Variants in CADM2 observed in about 807,000 individuals in gnomAD.
The protein encoded by CADM2 is immunoglobulin superfamily member 4D.
In CADM2, 12 loss-of-function variants were observed where a neutral mutation model predicts 49.8. The observed-to-expected ratio is 0.24, with a 90% CI of 0.15 to 0.39. CADM2 has a LOEUF of 0.39. CADM2 is among the 10% of genes least tolerant of loss of function. The probability of loss-of-function intolerance (pLI) is 1.00; values close to 1 mark genes in which losing one functional copy is unlikely to be tolerated. For synonymous variants in CADM2, 214 were observed against 175.4 expected (o/e 1.22, Z -1.74); for missense variants, 378 against 492.3 (o/e 0.77, Z 2.20).
At chr3:85,573,711 A>G (rs1430131628) in intron 1 of CADM2, among the ~76,000 whole-genome samples, 4 of 152,216 alleles carry the variant, frequency 2.6e-5, no homozygotes, top group East Asian at 1.9e-4. Context: ...TCAGGTATCT[A>G]TGATCAAATT....
intron 1 of CADM2, among the ~76,000 whole-genome samples, chr3:85,444,822 TTTAA>T (rs1204983681): frequency 4.6e-5 from 7 of 152,298 alleles, no homozygotes; most frequent in African/African-American, 1.2e-4. Context: ...CTTTTATTTG[TTTAA>T]TTAATTAATA....
At chr3:85,192,624 T>C (rs1324359101) in intron 1 of CADM2, among the ~76,000 whole-genome samples, 1 of 150,376 alleles carries the variant, frequency 6.6e-6, no homozygotes, top group African/African-American at 2.4e-5. Context: ...ATATAAAGTT[T>C]AAAAATAGTA....
At chr3:85,322,186 A>C (rs746804860) in intron 1 of CADM2, among the ~76,000 whole-genome samples, 22 of 152,218 alleles carry the variant, frequency 1.4e-4, no homozygotes, top group Non-Finnish European at 2.9e-4. Flanking sequence ...TATAACCTCG[A>C]AAATAGTAGA....
chr3:85,985,161 G>T (rs1344847937), intron 8 of CADM2, among the ~76,000 whole-genome samples: 2 of 151,848 alleles, frequency 1.3e-5, no homozygotes, highest in Admixed American at 6.6e-5. Context: ...AGTTCTGGAG[G>T]CTGGGAAAGC....
intron 1 of CADM2, among the ~76,000 whole-genome samples, chr3:85,384,433 T>C (rs1460107332): frequency 2.0e-5 from 3 of 152,108 alleles, no homozygotes; most frequent in Non-Finnish European, 1.5e-5. Context: ...CGCTTCAGCC[T>C]TCTAAGTAGC....
intron 1 of CADM2, among the ~76,000 whole-genome samples, chr3:85,213,494 C>T (rs1300192578): frequency 6.6e-6 from 1 of 151,998 alleles, no homozygotes; most frequent in African/African-American, 2.4e-5. Context: ...TTTTAGAATC[C>T]TTTCTTCATC....
intron 1 of CADM2, among the ~76,000 whole-genome samples, chr3:84,982,246 G>A (rs2032224026): frequency 6.6e-6 from 1 of 152,076 alleles, no homozygotes; most frequent in Non-Finnish European, 1.5e-5. Flanking sequence ...ATATAGTCAA[G>A]TGTTTTTTGT....
intron 1 of CADM2, among the ~76,000 whole-genome samples, chr3:85,291,468 C>T (rs1039448661): frequency 2.7e-5 from 4 of 148,548 alleles, no homozygotes; most frequent in African/African-American, 1.0e-4. Context: ...AGAAGAGCAA[C>T]TCCAAGACAC....
At chr3:85,868,456 T>A (rs1452899634) in intron 3 of CADM2, among the ~76,000 whole-genome samples, 1 of 152,120 alleles carries the variant, frequency 6.6e-6, no homozygotes, top group Non-Finnish European at 1.5e-5. Flanking sequence ...TACCTATAAT[T>A]GACAGCCTGT....
At chr3:85,939,672 G>A (rs1483782057) in intron 7 of CADM2, among the ~76,000 whole-genome samples, 1 of 151,402 alleles carries the variant, frequency 6.6e-6, no homozygotes, top group Non-Finnish European at 1.5e-5. Context: ...ATATGTATTT[G>A]GCATCTATTC....
chr3:85,276,734 A>G (rs1452124), intron 1 of CADM2, among the ~76,000 whole-genome samples: 1 of 151,296 alleles, frequency 6.6e-6, no homozygotes, highest in Non-Finnish European at 1.5e-5. Context: ...AGCAAAGTGT[A>G]CAGTATATTA....
At chr3:85,206,432 C>T (rs1027366383) in intron 1 of CADM2, among the ~76,000 whole-genome samples, 20 of 151,682 alleles carry the variant, frequency 1.3e-4, no homozygotes, top group Admixed American at 1.1e-3. Context: ...CTCAGCCTCC[C>T]GAGTAGCTGG....
At chr3:85,941,022 G>A (rs536909676) in intron 7 of CADM2, among the ~76,000 whole-genome samples, 8 of 151,860 alleles carry the variant, frequency 5.3e-5, no homozygotes, top group African/African-American at 7.3e-5. Flanking sequence ...CCATCATTAC[G>A]ACACCAAAGT....
At chr3:84,969,912 G>C (rs2031292870) in intron 1 of CADM2, among the ~76,000 whole-genome samples, 1 of 151,828 alleles carries the variant, frequency 6.6e-6, no homozygotes, top group African/African-American at 2.4e-5. Flanking sequence ...TCCTGATGAT[G>C]ACTTTGGTTA....
At chr3:86,024,576 A>G (rs561780244) in intron 8 of CADM2, among the ~76,000 whole-genome samples, 2 of 152,302 alleles carry the variant, frequency 1.3e-5, no homozygotes, top group South Asian at 2.1e-4. Flanking sequence ...ATGCTCTGCC[A>G]TTAATACATT....
chr3:85,560,167 C>T lies in CADM2; in HGVS notation c.62-166355C>T, dbSNP rs553658913. Among the ~76,000 whole-genome samples the T allele has an allele frequency of 2.0e-4, 31 of 152,244 alleles. 1 individual carries two copies. Among genetic ancestry groups the T allele is most frequent in the Admixed American group, 1.8e-3 (28 of 15,290 alleles). ...TCTTCACTCTTTCCAGAAAACATTCCTATATGCCTGCGGTTGCTTTCAAAA... is the reference window on the plus strand; with the variant it reads ...TCTTCACTCTTTCCAGAAAACATTCTTATATGCCTGCGGTTGCTTTCAAAA... On this transcript the variant is annotated intron_variant, in intron 1 of 9. Transcript: ENST00000383699.
intron 3 of CADM2, among the ~76,000 whole-genome samples, chr3:85,830,435 C>G (rs573503908): frequency 4.6e-5 from 7 of 151,930 alleles, no homozygotes; most frequent in Non-Finnish European, 8.8e-5. Context: ...CCCTTTATCA[C>G]ATAAATGGTC....
At chr3:85,161,502 C>T (rs72907169) in intron 1 of CADM2, among the ~76,000 whole-genome samples, 10,439 of 151,964 alleles carry the variant, frequency 0.069, 1,197 homozygotes, top group African/African-American at 0.24. Context: ...AGTTTCAGGG[C>T]TCAGGGTTCA....
chr3:85,240,717 A>G (rs2042512459), intron 1 of CADM2, among the ~76,000 whole-genome samples: 1 of 151,536 alleles, frequency 6.6e-6, no homozygotes, highest in Admixed American at 6.6e-5. Context: ...AGCTATTTCA[A>G]AATCCTGTTT....
Sources: gnomAD v4.1 joint callset for allele counts (sites outside exome capture counted in the v4.1 genomes callset) on GRCh38, gnomAD v4.1.1 for gene constraint, MANE v1.5 for transcripts, NCBI Gene and HGNC (gene_info 2026-07-23, HGNC 2026-07-21) for gene names.